AK5: variants seen among roughly 807,000 people sequenced by gnomAD.
AK5 encodes the protein adenylate kinase 5.
A neutral mutation model predicts 69.5 loss-of-function variants in AK5; 27 were observed. The observed-to-expected ratio is 0.39, with a 90% CI of 0.29 to 0.54. The LOEUF (loss-of-function observed/expected upper bound fraction) is 0.54. Among genes scored for constraint, AK5 ranks in the 20% least tolerant of loss-of-function variants. AK5 has a pLI of 0.71. For missense variants in AK5, 531 were observed against 700.4 expected (o/e 0.76, Z 2.73); for synonymous variants, 260 against 244.4 (o/e 1.06, Z -0.60).
At chr1:77,504,005 A>G (rs900951286) in intron 10 of AK5, among the ~76,000 whole-genome samples, 2 of 152,144 alleles carry the variant, frequency 1.3e-5, no homozygotes, top group African/African-American at 4.8e-5. Flanking sequence ...CGATTCAAAT[A>G]TTTGAAGACA....
chr1:77,529,280 TTTGA>T (rs1185736509), intron 12 of AK5, among the ~76,000 whole-genome samples: 1 of 152,046 alleles, frequency 6.6e-6, no homozygotes, highest in African/African-American at 2.4e-5. Context: ...ACACATTTCA[TTTGA>T]TTAATTTTTA....
intron 8 of AK5, among the ~76,000 whole-genome samples, chr1:77,424,637 G>A (rs1311204008): frequency 6.6e-6 from 1 of 152,198 alleles, no homozygotes; most frequent in East Asian, 1.9e-4. Context: ...GAATGCCTTT[G>A]ATGGGTACAT....
rs747102066 is a variant in AK5 at position 77,287,166 on chromosome 1, T to C, written c.247+39T>C. On this transcript the variant is annotated intron_variant, in intron 2 of 13. Coordinates refer to ENST00000354567, the MANE Select transcript of AK5 (RefSeq NM_174858.3). ...AGAATAATAGACAGTTTTATAGTTA[T>C]AGCAATTCTCTTTAAAACATGCCAT... 10 of 1,371,970 alleles carry C rather than the reference T, an allele frequency of 7.3e-6. No homozygotes were observed. In the South Asian group the frequency reaches 1.4e-4, roughly 19 times the overall value. 85.0% of individuals were successfully genotyped at this position (1,371,970 alleles called of 1,614,324 possible).
chr1:77,353,057 T>A (rs1026174273), intron 6 of AK5, among the ~76,000 whole-genome samples: 59 of 152,146 alleles, frequency 3.9e-4, no homozygotes, highest in African/African-American at 8.2e-4. Flanking sequence ...ATTATTTTTT[T>A]AAAAAAAATA....
rs540095795 is a variant in AK5, at chr1:77,529,078, TATGAAA to T, written c.1429-6768_1429-6763del. On this transcript the variant is annotated intron_variant, in intron 12 of 13. Coordinates refer to ENST00000354567, the MANE Select transcript of AK5 (RefSeq NM_174858.3). ...GACTATAGAAATAAAAATTATATAGTATGAAACAATACACAAAAATATAAAACAAAG... is the reference window on the plus strand; with the variant it reads ...GACTATAGAAATAAAAATTATATAGTCAATACACAAAAATATAAAACAAAG... 3.7e-4 allele frequency among the ~76,000 whole-genome samples: 55 copies of T among 147,754 alleles called. 1 individual carries two copies. In the East Asian group the frequency reaches 9.7e-3, roughly 26 times the overall value.
At chr1:77,335,697 C>T (rs1191763131) in intron 5 of AK5, among the ~76,000 whole-genome samples, 3 of 152,166 alleles carry the variant, frequency 2.0e-5, no homozygotes, top group Non-Finnish European at 4.4e-5. Flanking sequence ...CATGAGCATC[C>T]TTATGGCTGG....
At chr1:77,468,132 T>A (rs1654255679) in intron 8 of AK5, among the ~76,000 whole-genome samples, 1 of 152,208 alleles carries the variant, frequency 6.6e-6, no homozygotes, top group Non-Finnish European at 1.5e-5. Flanking sequence ...ATTTGAACTC[T>A]TGAGGGGGTG....
chr1:77,516,933 T>A (rs962121504), intron 10 of AK5, among the ~76,000 whole-genome samples: 2 of 151,764 alleles, frequency 1.3e-5, no homozygotes, highest in Non-Finnish European at 2.9e-5. Context: ...TAGCCAGGCA[T>A]GGTGGTGCGC....
At chr1:77,354,169 G>A (rs1173738941) in intron 6 of AK5, among the ~76,000 whole-genome samples, 2 of 152,062 alleles carry the variant, frequency 1.3e-5, no homozygotes, top group African/African-American at 4.8e-5. Flanking sequence ...GAAGGAGTAG[G>A]GAATAAAATA....
intron 6 of AK5, among the ~76,000 whole-genome samples, chr1:77,386,033 A>C (rs1011829572): frequency 1.3e-5 from 2 of 152,146 alleles, no homozygotes; most frequent in African/African-American, 4.8e-5. Context: ...TTCTTTTCAA[A>C]CTCTGTGTAT....
intron 6 of AK5, among the ~76,000 whole-genome samples, chr1:77,346,533 G>A (rs534229466): frequency 8.5e-5 from 13 of 152,194 alleles, no homozygotes; most frequent in Non-Finnish European, 1.8e-4. Flanking sequence ...GTCTGGCTGT[G>A]TTGCCCAGGC....
intron 6 of AK5, among the ~76,000 whole-genome samples, chr1:77,354,436 A>C (rs184368782): frequency 2.0e-5 from 3 of 152,282 alleles, no homozygotes; most frequent in African/African-American, 7.2e-5. Flanking sequence ...TGTGGAAGGG[A>C]AGCTTGAATG....
intron 10 of AK5, among the ~76,000 whole-genome samples, chr1:77,507,010 C>A (rs888196309): frequency 3.3e-5 from 5 of 151,744 alleles, no homozygotes; most frequent in East Asian, 3.9e-4. Flanking sequence ...AAAAAAAAAA[C>A]CACATAGTTA....
chr1:77,487,034 G>A (rs1361240376), intron 10 of AK5, among the ~76,000 whole-genome samples: 1 of 152,152 alleles, frequency 6.6e-6, no homozygotes, highest in Middle Eastern at 3.2e-3. Context: ...TAGCTCAATA[G>A]CCAGATCCTG....
chr1:77,292,102 A>G (rs2100651332), intron 2 of AK5, among the ~76,000 whole-genome samples: 1 of 152,334 alleles, frequency 6.6e-6, no homozygotes, highest in Middle Eastern at 3.4e-3. Flanking sequence ...TTGTGATAGT[A>G]GAGATGGAGA....
At chr1:77,443,351 G>A (rs982149848) in intron 8 of AK5, among the ~76,000 whole-genome samples, 2 of 152,120 alleles carry the variant, frequency 1.3e-5, no homozygotes, top group African/African-American at 2.4e-5. Flanking sequence ...ACAAACAAGA[G>A]CATGGAGTCT....
chr1:77,367,928 T>A (rs1321259044), intron 6 of AK5, among the ~76,000 whole-genome samples: 1 of 38,710 alleles, frequency 2.6e-5, no homozygotes, highest in African/African-American at 7.4e-5. Flanking sequence ...GTGATATATA[T>A]TATATATAAT....
Position 77,421,364 on chromosome 1 carries a change from G to T in AK5, c.1059+3649G>T, listed in dbSNP as rs369712697. Among the ~76,000 whole-genome samples the T allele has an allele frequency of 1.2e-4, 18 of 152,260 alleles. No individual in the cohort carries two copies. In the East Asian group the frequency reaches 2.7e-3, roughly 23 times the overall value. ...GTAAAGCCAGGATTCAAAAGGTAGAGCTAGGATTCAAATCCAGCTGTGTGA... is the reference window on the plus strand; with the variant it reads ...GTAAAGCCAGGATTCAAAAGGTAGATCTAGGATTCAAATCCAGCTGTGTGA... On this transcript the variant is annotated intron_variant, in intron 8 of 13. Transcript: ENST00000354567.
At chr1:77,328,357 G>A (rs894318482) in intron 5 of AK5, among the ~76,000 whole-genome samples, 3 of 151,950 alleles carry the variant, frequency 2.0e-5, no homozygotes, top group African/African-American at 4.8e-5. Flanking sequence ...AAAATTAGCC[G>A]GGCGTGGTGG....
Sources: allele counts gnomAD v4.1 joint callset (sites outside exome capture counted in the v4.1 genomes callset), GRCh38; gene constraint gnomAD v4.1.1; transcripts MANE v1.5; gene names NCBI Gene and HGNC (gene_info 2026-07-23, HGNC 2026-07-21).